SGPP1: variants seen among roughly 807,000 people sequenced by gnomAD.
SGPP1 encodes the protein sphingosine-1-phosphate phosphatase 1.
In SGPP1, 21 loss-of-function variants were observed where a neutral mutation model predicts 33.0. The ratio of observed to expected loss-of-function variants is 0.64; its 90% CI spans 0.45 to 0.92. The LOEUF (loss-of-function observed/expected upper bound fraction) is 0.92. Among genes scored for constraint, SGPP1 ranks in the 40% least tolerant of loss-of-function variants. SGPP1 has a pLI of 0.00. For missense variants in SGPP1, 543 were observed against 589.4 expected, an observed-to-expected ratio of 0.92 and a Z score of 0.81; for synonymous variants, 239 against 241.2, an observed-to-expected ratio of 0.99 and a Z score of 0.08.
chr14:63,712,620 G>A (rs1289531562), intron 1 of SGPP1, among the ~76,000 whole-genome samples: 2 of 152,196 alleles, frequency 1.3e-5, no homozygotes, highest in African/African-American at 4.8e-5. Flanking sequence ...AGGCAGACAT[G>A]TGCGTATGAA....
At chr14:63,695,545 A>C (rs1885171028) in intron 2 of SGPP1, among the ~76,000 whole-genome samples, 1 of 152,210 alleles carries the variant, frequency 6.6e-6, no homozygotes, top group Non-Finnish European at 1.5e-5. Flanking sequence ...ATACATGCTC[A>C]CTACACAAAA....
At chr14:63,710,540 C>A (rs909820653) in intron 1 of SGPP1, among the ~76,000 whole-genome samples, 1 of 152,154 alleles carries the variant, frequency 6.6e-6, no homozygotes, top group Non-Finnish European at 1.5e-5. Flanking sequence ...TCTCACAGAA[C>A]CCTAAGGTGG....
intron 2 of SGPP1, among the ~76,000 whole-genome samples, chr14:63,693,825 G>A (rs570456633): frequency 2.1e-4 from 32 of 152,062 alleles, no homozygotes; most frequent in Admixed American, 1.3e-4. Flanking sequence ...CATTGCCCAG[G>A]TTGGTCTTGA....
intron 1 of SGPP1, among the ~76,000 whole-genome samples, chr14:63,723,017 A>C (rs1177692908): frequency 6.6e-6 from 1 of 152,078 alleles, no homozygotes; most frequent in Non-Finnish European, 1.5e-5. Context: ...AATTAAATAA[A>C]GTATACAGTT....
intron 1 of SGPP1, among the ~76,000 whole-genome samples, chr14:63,726,523 A>G (rs1460502545): frequency 6.6e-6 from 1 of 152,160 alleles, no homozygotes; most frequent in African/African-American, 2.4e-5. Flanking sequence ...CACTAGTTTG[A>G]TCAAGAGCCC....
chr14:63,686,428 CATGAG>C lies in SGPP1; in HGVS notation c.998_1002del (p.Ser333CysfsTer4), dbSNP rs1884978124. 2 of 1,614,096 alleles carry C rather than the reference CATGAG, an allele frequency of 1.2e-6. No homozygotes were observed. Among genetic ancestry groups the C allele is most frequent in the Non-Finnish European group, 1.7e-6 (2 of 1,180,006 alleles). ...AATACTAGACCCATGTTATAAGTAA[CATGAG>C]ATCCACATGCAATTCCAGCACCACT... On this transcript the variant is annotated frameshift_variant, in exon 3 of 3. Coordinates refer to ENST00000247225, the MANE Select transcript of SGPP1 (RefSeq NM_030791.4). LOFTEE classifies it high-confidence loss of function.
intron 1 of SGPP1, among the ~76,000 whole-genome samples, chr14:63,718,945 T>C (rs1335845329): frequency 6.2e-5 from 8 of 129,834 alleles, no homozygotes; most frequent in Non-Finnish European, 9.5e-5. Context: ...TCTGTAAAAT[T>C]AGGATAGTAA....
intron 1 of SGPP1, among the ~76,000 whole-genome samples, chr14:63,709,499 T>C (rs932201137): frequency 2.6e-5 from 4 of 152,196 alleles, no homozygotes; most frequent in African/African-American, 9.7e-5. Flanking sequence ...TTCCAATTTA[T>C]CATTGCTTCT....
chr14:63,707,734 C>A (rs928975558), intron 1 of SGPP1, among the ~76,000 whole-genome samples: 1 of 152,122 alleles, frequency 6.6e-6, no homozygotes, highest in Non-Finnish European at 1.5e-5. Flanking sequence ...GCATGAGCCA[C>A]TGCACCAAGC....
chr14:63,698,707 TAAAC>T (rs1189880553), intron 1 of SGPP1, 49 bp from the exon 2 acceptor site: 3 of 1,052,454 alleles, frequency 2.9e-6, no homozygotes, highest in South Asian at 1.5e-5. Flanking sequence ...AAGTTAGATA[TAAAC>T]AAACAAATAA....
At chr14:63,718,964 A>G (rs1885688079) in intron 1 of SGPP1, among the ~76,000 whole-genome samples, 1 of 115,198 alleles carries the variant, frequency 8.7e-6, no homozygotes, top group African/African-American at 3.4e-5. Context: ...AAAAATTCAT[A>G]TATATGTATA....
At chr14:63,686,968 A>G (rs572295996) in intron 2 of SGPP1, among the ~76,000 whole-genome samples, 2 of 152,342 alleles carry the variant, frequency 1.3e-5, no homozygotes, top group South Asian at 4.1e-4. Context: ...GGGGAAAAGT[A>G]CACTTATTAT....
chr14:63,727,849 C>T lies in SGPP1; in HGVS notation c.96G>A (p.Pro32=). 6.6e-7 allele frequency: 1 copy of T among 1,519,798 alleles called. No homozygotes were observed. Among genetic ancestry groups the T allele is most frequent in the Non-Finnish European group, 8.8e-7 (1 of 1,140,038 alleles). 94.1% of individuals were successfully genotyped at this position (1,519,798 alleles called of 1,614,324 possible). The change falls in exon 1 of 3, where the codon CCG becomes CCA. Residue 32 remains proline (P), a synonymous_variant. Coordinates refer to ENST00000247225, the MANE Select transcript of SGPP1 (RefSeq NM_030791.4). Reference sequence around the variant, plus strand: ...CCCTCCGGTCTGCTGAGCGGCGCGGCGGCGCTTCCACCCCGCACAGCCGCT... The same window carrying T: ...CCCTCCGGTCTGCTGAGCGGCGCGGTGGCGCTTCCACCCCGCACAGCCGCT... ...RFQRLCGVEA[P]PRRSADRRED...
intron 1 of SGPP1, among the ~76,000 whole-genome samples, chr14:63,713,864 T>G (rs994484551): frequency 6.6e-6 from 1 of 152,188 alleles, no homozygotes; most frequent in East Asian, 1.9e-4. Flanking sequence ...ATTTTGGGTG[T>G]GTCTGTGAGC....
At chr14:63,719,005 TA>T (rs1566536708) in intron 1 of SGPP1, among the ~76,000 whole-genome samples, 123 of 27,762 alleles carry the variant, frequency 4.4e-3, no homozygotes, top group African/African-American at 5.4e-3. Context: ...TATATATATA[TA>T]TATATATATT....
intron 2 of SGPP1, among the ~76,000 whole-genome samples, chr14:63,689,001 G>A (rs1193786964): frequency 2.0e-5 from 3 of 152,100 alleles, no homozygotes; most frequent in Non-Finnish European, 2.9e-5. Flanking sequence ...GATTACAGGC[G>A]TGAGCCACTG....
At chr14:63,707,785 C>T (rs1490797110) in intron 1 of SGPP1, among the ~76,000 whole-genome samples, 1 of 152,082 alleles carries the variant, frequency 6.6e-6, no homozygotes, top group Non-Finnish European at 1.5e-5. Flanking sequence ...AATCCACCCT[C>T]ATCTGCTTCG....
intron 1 of SGPP1, among the ~76,000 whole-genome samples, chr14:63,721,282 A>G (rs1885765854): frequency 6.6e-6 from 1 of 151,946 alleles, no homozygotes; most frequent in African/African-American, 2.4e-5. Flanking sequence ...GCCATCTCAA[A>G]AAAAATACAA....
At position 63,727,616 on chromosome 14, in the gene SGPP1, C is replaced by A. The variant is rs772218108; in HGVS notation, c.329G>T (p.Arg110Leu). The A allele has an allele frequency of 3.0e-5, 44 of 1,472,872 alleles. No individual in the cohort carries two copies. The highest frequency in any genetic ancestry group is 5.0e-5 in the Admixed American group (2 of 40,150). The allele number at this position is 1,472,872 out of a possible 1,614,324, so 91.2% of individuals were successfully genotyped here. The change falls in exon 1 of 3, where the codon CGC (arginine) becomes CTC (leucine). Residue 110 changes from arginine to leucine, a missense_variant. Coordinates refer to ENST00000247225, the MANE Select transcript of SGPP1 (RefSeq NM_030791.4). ...ASPRRAGALR[R>L]NSLTGEEGQL... is the part of the protein sequence containing the mutation. ...GCCCTCCTCGCCCGTCAGCGAGTTG[C>A]GGCGCAGAGCGCCCGCGCGCCGCGG...
Sources: gnomAD v4.1 joint callset for allele counts (sites outside exome capture counted in the v4.1 genomes callset) on GRCh38, gnomAD v4.1.1 for gene constraint, MANE v1.5 for transcripts, NCBI Gene and HGNC (gene_info 2026-07-23, HGNC 2026-07-21) for gene names.